The following EXOC2 variants were observed in gnomAD, a reference collection of about 807,000 sequenced individuals.
EXOC2 encodes exocyst complex component 2.
Under a neutral mutation model 131.8 loss-of-function variants are expected in EXOC2, and 70 were observed. That is an observed-to-expected ratio of 0.53 (90% CI 0.44 to 0.65). EXOC2 has a LOEUF of 0.65. EXOC2 is among the 30% of genes least tolerant of loss of function. The pLI is 0.00. For missense variants in EXOC2, 923 were observed against 1,108.6 expected, an observed-to-expected ratio of 0.83 and a Z score of 2.38; for synonymous variants, 411 against 398.4, an observed-to-expected ratio of 1.03 and a Z score of -0.38.
At chr6:685,339 A>C (rs767458933) in intron 1 of EXOC2, among the ~76,000 whole-genome samples, 3 of 152,198 alleles carry the variant, frequency 2.0e-5, no homozygotes, top group Non-Finnish European at 4.4e-5. Context: ...AGGCTCAGCC[A>C]ACTCTCAGGG....
chr6:619,207 A>C (rs1182825860), intron 5 of EXOC2, among the ~76,000 whole-genome samples: 8 of 152,216 alleles, frequency 5.3e-5, no homozygotes. Flanking sequence ...TTGAACATAA[A>C]ATGACAGTAG....
intron 26 of EXOC2, among the ~76,000 whole-genome samples, chr6:490,044 C>T (rs1025442173): frequency 2.6e-5 from 4 of 152,204 alleles, no homozygotes; most frequent in African/African-American, 9.6e-5. Context: ...CCGCTACCTC[C>T]ACCATCAGCT....
chr6:562,894 A>T (rs202241292), intron 16 of EXOC2, 49 bp from the exon 17 acceptor site: 16 of 1,338,792 alleles, frequency 1.2e-5, no homozygotes, highest in Middle Eastern at 2.4e-4. Context: ...ATCTCACTAA[A>T]TTTTATACAG....
chr6:584,594 G>C (rs1173680954), intron 11 of EXOC2, among the ~76,000 whole-genome samples: 1 of 152,134 alleles, frequency 6.6e-6, no homozygotes, highest in African/African-American at 2.4e-5. Flanking sequence ...TTCTATAATA[G>C]CTCCACCACT....
chr6:558,016 A>T (rs1757515567), intron 17 of EXOC2, among the ~76,000 whole-genome samples: 2 of 152,208 alleles, frequency 1.3e-5, no homozygotes, highest in African/African-American at 4.8e-5. Context: ...GCCGGGCTTC[A>T]TCCGGAGCAG....
chr6:591,278 C>A (rs530654875), intron 11 of EXOC2, among the ~76,000 whole-genome samples: 1 of 152,258 alleles, frequency 6.6e-6, no homozygotes, highest in East Asian at 1.9e-4. Context: ...TTGACCCCAG[C>A]TTAAAATCCG....
At chr6:592,127 T>C (rs995591121) in intron 11 of EXOC2, among the ~76,000 whole-genome samples, 7 of 152,162 alleles carry the variant, frequency 4.6e-5, no homozygotes, top group Non-Finnish European at 8.8e-5. Flanking sequence ...TTACTAGCGA[T>C]GGGTGCAGTG....
chr6:561,840 C>CA (rs1757715184), intron 17 of EXOC2, among the ~76,000 whole-genome samples: 2 of 152,186 alleles, frequency 1.3e-5, no homozygotes, highest in South Asian at 4.1e-4. Context: ...CCTCGGCCTC[C>CA]AAAAGTGCTG....
At chr6:638,975 C>G (rs1158257923) in intron 1 of EXOC2, among the ~76,000 whole-genome samples, 2 of 152,054 alleles carry the variant, frequency 1.3e-5, no homozygotes, top group African/African-American at 4.8e-5. Context: ...CCCGAGAACT[C>G]AAGTGCTCAG....
At chr6:688,109 T>C (rs1296403661) in intron 1 of EXOC2, among the ~76,000 whole-genome samples, 1 of 152,234 alleles carries the variant, frequency 6.6e-6, no homozygotes, top group African/African-American at 2.4e-5. Context: ...GCCCCTGCGA[T>C]TCTCCACTTA....
intron 23 of EXOC2, among the ~76,000 whole-genome samples, chr6:501,904 G>C (rs1454269123): frequency 1.3e-5 from 2 of 151,748 alleles, no homozygotes; most frequent in Non-Finnish European, 2.9e-5. Context: ...AGAACAGAAA[G>C]AGCCTGTTGT....
At position 617,183 on chromosome 6, in the gene EXOC2, T is replaced by TA. The variant is rs561624245; in HGVS notation, c.661+527dup. 8.0e-4 allele frequency among the ~76,000 whole-genome samples: 119 copies of TA among 148,544 alleles called. 1 individual carries two copies. Among genetic ancestry groups the TA allele is most frequent in the African/African-American group, 2.2e-3 (89 of 40,606 alleles). ...CTTTCATTAATTAAAAGCAGTTTTA[T>TA]AAAAAAAAAACTCTACCAACATCTT... is the stretch of plus-strand genomic sequence containing the variant. On this transcript the variant is annotated intron_variant, in intron 6 of 27. Coordinates refer to ENST00000230449, the MANE Select transcript of EXOC2 (RefSeq NM_018303.6).
At chr6:537,497 G>A (rs780010279) in intron 22 of EXOC2, among the ~76,000 whole-genome samples, 14 of 152,266 alleles carry the variant, frequency 9.2e-5, no homozygotes, top group Middle Eastern at 3.4e-3. Context: ...GATGACCGAC[G>A]GAGCGTACAC....
At chr6:542,391 T>C (rs1263759811) in intron 22 of EXOC2, among the ~76,000 whole-genome samples, 2 of 152,184 alleles carry the variant, frequency 1.3e-5, no homozygotes, top group Non-Finnish European at 2.9e-5. Flanking sequence ...GAACAAGGCA[T>C]CAAAGGAGAA....
At chr6:636,795 A>C (rs1762122107) in intron 2 of EXOC2, among the ~76,000 whole-genome samples, 1 of 152,212 alleles carries the variant, frequency 6.6e-6, no homozygotes, top group African/African-American at 2.4e-5. Context: ...CCACCTGAGC[A>C]GTTCACAGGC....
chr6:557,394 C>T (rs776322944), intron 17 of EXOC2, among the ~76,000 whole-genome samples: 3 of 151,964 alleles, frequency 2.0e-5, no homozygotes, highest in Non-Finnish European at 2.9e-5. Context: ...CTGCGGTGGG[C>T]GGATCACGAG....
chr6:558,992 G>A (rs1757566506), intron 17 of EXOC2, among the ~76,000 whole-genome samples: 1 of 152,096 alleles, frequency 6.6e-6, no homozygotes, highest in Non-Finnish European at 1.5e-5. Flanking sequence ...GTTGAACCGG[G>A]AGTAGGTGAT....
rs191602777 is a variant in EXOC2 at position 575,954 on chromosome 6, C to A, written c.1318+803G>T. Among the ~76,000 whole-genome samples the A allele has an allele frequency of 3.4e-3, 521 of 152,258 alleles. 3 individuals carry two copies. The highest frequency in any genetic ancestry group is 0.012 in the African/African-American group (500 of 41,546). On this transcript the variant is annotated intron_variant, in intron 12 of 27. Transcript: ENST00000230449. ...GAAGGAATACCAACAGTTATGGAAG[C>A]CTTTCATTTAGTACAAATGAATCAT...
chr6:575,366 T>C (rs1758516948), intron 12 of EXOC2, among the ~76,000 whole-genome samples: 1 of 152,226 alleles, frequency 6.6e-6, no homozygotes, highest in Non-Finnish European at 1.5e-5. Flanking sequence ...CATGTTTATG[T>C]AAATTAAGTG....
Sources: gnomAD v4.1 joint callset for allele counts (sites outside exome capture counted in the v4.1 genomes callset) on GRCh38, gnomAD v4.1.1 for gene constraint, MANE v1.5 for transcripts, NCBI Gene and HGNC (gene_info 2026-07-23, HGNC 2026-07-21) for gene names.